The following ZNF735 variants were observed in gnomAD, a reference collection of about 807,000 sequenced individuals.
ZNF735 encodes the protein putative zinc finger protein 735.
ZNF735 carries 11 observed loss-of-function variants against 13.4 expected under a neutral mutation model. The observed-to-expected ratio is 0.82, with a 90% CI of 0.52 to 1.36. ZNF735 has a LOEUF of 1.36. ZNF735 is among the 40% of genes most tolerant of loss of function. The pLI, the probability that ZNF735 is intolerant of heterozygous loss-of-function variation, is 0.00. For missense variants in ZNF735, 500 were observed against 484.6 expected, an observed-to-expected ratio of 1.03 and a Z score of -0.30; for synonymous variants, 171 against 162.6, an observed-to-expected ratio of 1.05 and a Z score of -0.39.
At chr7:64,219,855 C>T (rs1487317085) in exon 4 of ZNF735, 6 of 1,613,754 alleles carry the variant, frequency 3.7e-6, no homozygotes, top group Non-Finnish European at 5.1e-6. Flanking sequence ...GAGAGAAACC[C>T]TACGCATGTG....
chr7:64,215,236 T>A (rs1787406055), intron 3 of ZNF735, among the ~76,000 whole-genome samples: 1 of 152,004 alleles, frequency 6.6e-6, no homozygotes, highest in Non-Finnish European at 1.5e-5. Context: ...ATTTTGTATT[T>A]TTAGTAGAGA....
At chr7:64,216,788 TAG>T (rs958679922) in intron 3 of ZNF735, among the ~76,000 whole-genome samples, 13 of 152,238 alleles carry the variant, frequency 8.5e-5, no homozygotes, top group African/African-American at 2.6e-4. Context: ...CAATTATTTG[TAG>T]AGACAGGGTC....
exon 4 of ZNF735, chr7:64,220,163 A>G (rs1554366984): frequency 1.9e-6 from 3 of 1,613,268 alleles, no homozygotes; most frequent in Admixed American, 1.7e-5. Context: ...GTAAAGGCAC[A>G]TAAGAGAATT....
chr7:64,208,241 A>C (rs537117924), intron 1 of ZNF735, among the ~76,000 whole-genome samples: 1 of 110,128 alleles, frequency 9.1e-6, no homozygotes, highest in East Asian at 2.9e-4. Flanking sequence ...ATCTCCAATA[A>C]ATGTTTTTTT....
intron 1 of ZNF735, among the ~76,000 whole-genome samples, chr7:64,207,978 C>G (rs1022817884): frequency 6.7e-6 from 1 of 148,828 alleles, no homozygotes; most frequent in African/African-American, 2.5e-5. Context: ...CAAAGCAAGA[C>G]TCCACCTCAA....
intron 1 of ZNF735, among the ~76,000 whole-genome samples, chr7:64,211,969 G>A (rs1787366157): frequency 1.3e-5 from 2 of 151,578 alleles, no homozygotes; most frequent in African/African-American, 4.8e-5. Flanking sequence ...CCACAGCAGT[G>A]ATGTTGTGTT....
At chr7:64,210,698 C>T (rs1443123543) in intron 1 of ZNF735, among the ~76,000 whole-genome samples, 2 of 152,004 alleles carry the variant, frequency 1.3e-5, no homozygotes, top group Non-Finnish European at 2.9e-5. Flanking sequence ...TAGGGGAGGG[C>T]AGGGAAAAAG....
rs1562834478 is a variant in ZNF735, at chr7:64,220,065, GA to G, written c.1015del (p.Thr339LeufsTer7). The G allele has an allele frequency of 6.2e-7, 1 of 1,610,092 alleles. No individual in the cohort carries two copies. Among genetic ancestry groups the G allele is most frequent in the African/African-American group, 1.4e-5 (1 of 73,730 alleles). On this transcript the variant is annotated frameshift_variant, in exon 4 of 4. Coordinates refer to ENST00000429565, the Ensembl canonical transcript of ZNF735. LOFTEE classifies it low-confidence loss of function (END_TRUNC). ...GTGGCAAAGCCTTTAACTGCTCCTC[GA>G]CTCTTAAGACACATAAGATAATTCA...
intron 3 of ZNF735, among the ~76,000 whole-genome samples, chr7:64,215,017 A>T (rs1292443136): frequency 6.6e-6 from 1 of 150,658 alleles, no homozygotes; most frequent in Non-Finnish European, 1.5e-5. Flanking sequence ...TCCCATTTGT[A>T]TATCTTTTTA....
chr7:64,211,889 AAAT>A (rs1240471772), intron 1 of ZNF735, among the ~76,000 whole-genome samples: 7 of 100,114 alleles, frequency 7.0e-5, no homozygotes, highest in East Asian at 8.8e-4. Flanking sequence ...AAAAGAAAAA[AAAT>A]ATATATATAT....
chr7:64,219,541 A>G, exon 4 of ZNF735: 2 of 1,595,340 alleles, frequency 1.3e-6, no homozygotes, highest in South Asian at 1.1e-5. Context: ...TAAATGTGTC[A>G]AAGTCTTCAG....
At chr7:64,209,599 C>A (rs529872896) in intron 1 of ZNF735, among the ~76,000 whole-genome samples, 1 of 152,184 alleles carries the variant, frequency 6.6e-6, no homozygotes, top group South Asian at 2.1e-4. Flanking sequence ...TGCTGGGATT[C>A]CAGGAGTGAG....
In ZNF735 at chr7:64,207,310, G is replaced by A. The variant is rs375055584; in HGVS notation, c.39+69G>A. The A allele has an allele frequency of 1.9e-4, 309 of 1,613,934 alleles. 1 individual carries two copies. The African/African-American group carries it at 3.7e-3, about 19-fold the overall frequency. ...TTGGAACCGGCTGAAAGTGGCTGCAGCAGGACCCATACTTCCTCGCAGTCA... is the reference window on the plus strand; with the variant it reads ...TTGGAACCGGCTGAAAGTGGCTGCAACAGGACCCATACTTCCTCGCAGTCA... On this transcript the variant is annotated intron_variant, in intron 1 of 3. Coordinates refer to ENST00000429565, the Ensembl canonical transcript of ZNF735.
intron 3 of ZNF735, among the ~76,000 whole-genome samples, chr7:64,217,928 T>C (rs1787441808): frequency 6.6e-6 from 1 of 152,174 alleles, no homozygotes; most frequent in East Asian, 1.9e-4. Flanking sequence ...TTTATGCTTA[T>C]ATCTTTCAAA....
At chr7:64,217,590 T>C (rs1338618938) in intron 3 of ZNF735, among the ~76,000 whole-genome samples, 1 of 152,140 alleles carries the variant, frequency 6.6e-6, no homozygotes, top group African/African-American at 2.4e-5. Flanking sequence ...TTGCTTTATA[T>C]ATTTTGAAGT....
At chr7:64,211,203 A>G (rs1787356303) in intron 1 of ZNF735, among the ~76,000 whole-genome samples, 1 of 152,226 alleles carries the variant, frequency 6.6e-6, no homozygotes, top group African/African-American at 2.4e-5. Flanking sequence ...TGCAATGCAG[A>G]ATTCTCACTA....
intron 2 of ZNF735, 112 bp from the exon 3 acceptor site, chr7:64,213,901 G>A (rs771986816): frequency 2.4e-4 from 240 of 1,008,780 alleles, no homozygotes; most frequent in Non-Finnish European, 3.0e-4. Context: ...GGAGGTTGCA[G>A]TGAGCTGAGA....
At chr7:64,214,794 ACATT>A (rs1037956712) in intron 3 of ZNF735, among the ~76,000 whole-genome samples, 9 of 151,884 alleles carry the variant, frequency 5.9e-5, no homozygotes, top group African/African-American at 2.2e-4. Context: ...TATTTGAAGA[ACATT>A]CATGATATTT....
intron 1 of ZNF735, 53 bp downstream of exon 1, chr7:64,207,294 G>A: frequency 6.2e-7 from 1 of 1,614,068 alleles, no homozygotes; most frequent in South Asian, 1.1e-5. Flanking sequence ...GTTGGAACCG[G>A]CTGAAAGTGG....
Sources: gnomAD v4.1 joint callset for allele counts (sites outside exome capture counted in the v4.1 genomes callset) on GRCh38, gnomAD v4.1.1 for gene constraint, MANE v1.5 for transcripts, NCBI Gene and HGNC (gene_info 2026-07-23, HGNC 2026-07-21) for gene names.